GNB4: variants seen among roughly 807,000 people sequenced by gnomAD.
The protein encoded by GNB4 is guanine nucleotide-binding protein subunit beta-4.
GNB4 carries 28 observed loss-of-function variants against 45.2 expected under a neutral mutation model. The ratio of observed to expected loss-of-function variants is 0.62; its 90% confidence interval spans 0.46 to 0.85. GNB4 has a LOEUF of 0.85. Ranked by LOEUF, GNB4 falls within the 40% of genes least tolerant of loss-of-function variation. The pLI is 0.00. For synonymous variants in GNB4, 132 were observed against 143.7 expected, an observed-to-expected ratio of 0.92 and a Z score of 0.58; for missense variants, 321 against 425.4, an observed-to-expected ratio of 0.75 and a Z score of 2.16.
the GNB4 span, among the ~76,000 whole-genome samples, chr3:179,509,168 T>TATATACAC: frequency 2.2e-4 from 33 of 146,994 alleles, no homozygotes; most frequent in African/African-American, 6.9e-4. Flanking sequence ...TATATATACA[T>TATATACAC]ACACACACAC....
the GNB4 span, among the ~76,000 whole-genome samples, chr3:179,520,894 G>A: frequency 6.6e-6 from 1 of 151,512 alleles, no homozygotes; most frequent in Non-Finnish European, 1.5e-5. Flanking sequence ...GGCAGGCTAT[G>A]CTATAGTACA....
At chr3:179,464,736 G>A in the GNB4 span, 1 of 1,110,472 alleles carries the variant, frequency 9.0e-7, no homozygotes, top group Non-Finnish European at 1.4e-6. Context: ...TGGCCTCCTT[G>A]TTCAGCTGCC....
chr3:179,430,339 C>T lies in GNB4; in HGVS notation c.-42-4097G>A, dbSNP rs111691550. ...CCTGGGCTCAAGCGATCCCCCCCAC[C>T]TGAGCTTTTCAAAGTGCTGGGATTA... On this transcript the variant is annotated intron_variant, in intron 1 of 9. Transcript: ENST00000232564. Among the ~76,000 whole-genome samples, 711 of 152,106 alleles carry T rather than the reference C, an allele frequency of 4.7e-3. 3 individuals are homozygous for T. Among genetic ancestry groups the T allele is most frequent in the Non-Finnish European group, 7.9e-3 (535 of 67,990 alleles).
intron 1 of GNB4, among the ~76,000 whole-genome samples, chr3:179,450,617 C>T (rs929084993): frequency 1.3e-5 from 2 of 152,126 alleles, no homozygotes; most frequent in African/African-American, 4.8e-5. Context: ...CGAAAAATAA[C>T]AAAGTATTGC....
intron 9 of GNB4, among the ~76,000 whole-genome samples, chr3:179,403,188 C>G (rs1714355562): frequency 6.6e-6 from 1 of 152,048 alleles, no homozygotes; most frequent in Non-Finnish European, 1.5e-5. Flanking sequence ...GTCAGCACAC[C>G]AGCCACGTGC....
At chr3:179,492,516 C>T in the GNB4 span, among the ~76,000 whole-genome samples, 1 of 152,202 alleles carries the variant, frequency 6.6e-6, no homozygotes, top group East Asian at 1.9e-4. Context: ...ACCTGAGTTG[C>T]CACTGTGTCA....
At chr3:179,497,542 A>C in the GNB4 span, among the ~76,000 whole-genome samples, 1 of 152,144 alleles carries the variant, frequency 6.6e-6, no homozygotes, top group East Asian at 1.9e-4. Flanking sequence ...CAGCAAAAGA[A>C]GCAATTAATA....
At chr3:179,516,590 G>A in the GNB4 span, among the ~76,000 whole-genome samples, 1 of 152,208 alleles carries the variant, frequency 6.6e-6, no homozygotes, top group Non-Finnish European at 1.5e-5. Flanking sequence ...TTTCCTTGAG[G>A]ACAGATTTCC....
intron 4 of GNB4, among the ~76,000 whole-genome samples, chr3:179,417,388 T>A (rs13081984): frequency 6.6e-6 from 1 of 151,376 alleles, no homozygotes; most frequent in Non-Finnish European, 1.5e-5. Context: ...TTTTAGCCAC[T>A]AAATTTTTTG....
intron 1 of GNB4, among the ~76,000 whole-genome samples, chr3:179,439,776 A>C (rs185762561): frequency 9.2e-5 from 14 of 152,298 alleles, no homozygotes; most frequent in African/African-American, 3.1e-4. Context: ...GTATTTCCCA[A>C]TATCCTGCCC....
At chr3:179,485,530 G>A in the GNB4 span, among the ~76,000 whole-genome samples, 9,181 of 152,138 alleles carry the variant, frequency 0.06, 706 homozygotes, top group East Asian at 0.19. Flanking sequence ...ACATGTAAAC[G>A]CCTTAAGTTA....
chr3:179,432,376 A>G (rs1327301676), intron 1 of GNB4, among the ~76,000 whole-genome samples: 4 of 152,080 alleles, frequency 2.6e-5, no homozygotes, highest in Admixed American at 2.0e-4. Flanking sequence ...GTCACTTGGG[A>G]GAGAGAACAT....
chr3:179,406,053 T>C (rs953448155), intron 8 of GNB4: 2 of 152,228 alleles, frequency 1.3e-5, no homozygotes, highest in Non-Finnish European at 1.5e-5. Context: ...TTTTGTTTTA[T>C]GAATTTCAAT....
chr3:179,405,455 A>C, intron 8 of GNB4, 49 bp from the exon 9 acceptor site: 1 of 1,270,910 alleles, frequency 7.9e-7, no homozygotes, highest in Non-Finnish European at 1.1e-6. Context: ...ATGCACAATC[A>C]TAGGAGGCAA....
chr3:179,511,706 A>G, the GNB4 span, among the ~76,000 whole-genome samples: 1 of 152,164 alleles, frequency 6.6e-6, no homozygotes, highest in Non-Finnish European at 1.5e-5. Flanking sequence ...AGTGCTTAAA[A>G]TAGTACTATT....
chr3:179,496,793 C>T, the GNB4 span, among the ~76,000 whole-genome samples: 1 of 151,964 alleles, frequency 6.6e-6, no homozygotes, highest in African/African-American at 2.4e-5. Context: ...AAGGATATAG[C>T]AATTATAAAT....
the GNB4 span, among the ~76,000 whole-genome samples, chr3:179,503,072 G>A: frequency 6.6e-6 from 1 of 152,306 alleles, no homozygotes; most frequent in East Asian, 1.9e-4. Flanking sequence ...GTCCTCAAGT[G>A]ATCCTCCCAC....
intron 1 of GNB4, among the ~76,000 whole-genome samples, chr3:179,448,907 C>T (rs1024989174): frequency 7.2e-5 from 11 of 152,044 alleles, no homozygotes; most frequent in Admixed American, 2.0e-4. Context: ...AGCGAGATCC[C>T]GCTTCTATTT....
At chr3:179,516,793 G>C in the GNB4 span, among the ~76,000 whole-genome samples, 1 of 152,138 alleles carries the variant, frequency 6.6e-6, no homozygotes. Flanking sequence ...GAGTAGGTGG[G>C]AGTGACCGAT....
Sources: allele counts gnomAD v4.1 joint callset (sites outside exome capture counted in the v4.1 genomes callset), GRCh38; gene constraint gnomAD v4.1.1; transcripts MANE v1.5; gene names NCBI Gene and HGNC (gene_info 2026-07-23, HGNC 2026-07-21).